PPM1L: variants seen among roughly 807,000 people sequenced by gnomAD.
PPM1L encodes the protein protein phosphatase 1L.
PPM1L carries 13 observed loss-of-function variants against 31.4 expected under a neutral mutation model. The observed-to-expected ratio is 0.41, with a 90% CI of 0.27 to 0.66. The LOEUF is 0.66. Among genes scored for constraint, PPM1L ranks in the 30% least tolerant of loss-of-function variants. The pLI is 0.29. For synonymous variants in PPM1L, 184 were observed against 175.4 expected (o/e 1.05, Z -0.39); for missense variants, 326 against 453.7 (o/e 0.72, Z 2.56).
intron 1 of PPM1L, among the ~76,000 whole-genome samples, chr3:160,773,029 A>G (rs1711499646): frequency 6.6e-6 from 1 of 152,192 alleles, no homozygotes; most frequent in Non-Finnish European, 1.5e-5. Flanking sequence ...AAGCCTTTGT[A>G]TGGACATATG....
intron 1 of PPM1L, among the ~76,000 whole-genome samples, chr3:160,891,192 T>A (rs1324494955): frequency 6.6e-6 from 1 of 152,196 alleles, no homozygotes; most frequent in Non-Finnish European, 1.5e-5. Flanking sequence ...ACAGGTAACC[T>A]TCAGAATGGG....
chr3:160,888,245 A>G (rs1040279817), intron 1 of PPM1L, among the ~76,000 whole-genome samples: 1 of 152,230 alleles, frequency 6.6e-6, no homozygotes, highest in African/African-American at 2.4e-5. Flanking sequence ...GGCAAGTTGG[A>G]TACAGAGTCA....
intron 1 of PPM1L, among the ~76,000 whole-genome samples, chr3:160,873,845 C>T (rs769788809): frequency 6.6e-6 from 1 of 152,174 alleles, no homozygotes; most frequent in Non-Finnish European, 1.5e-5. Context: ...TAATTTAATA[C>T]ACGTCACTAT....
At chr3:161,009,765 C>A (rs1365787567) in intron 2 of PPM1L, among the ~76,000 whole-genome samples, 1 of 151,992 alleles carries the variant, frequency 6.6e-6, no homozygotes, top group Non-Finnish European at 1.5e-5. Flanking sequence ...GTGATAAAAG[C>A]AAAGCTCAGG....
chr3:161,044,188 TA>T (rs992251527), intron 2 of PPM1L, among the ~76,000 whole-genome samples: 24 of 151,956 alleles, frequency 1.6e-4, no homozygotes, highest in African/African-American at 5.8e-4. Context: ...TACAGGCATG[TA>T]CCAACACGCC....
intron 2 of PPM1L, among the ~76,000 whole-genome samples, chr3:161,042,016 C>T (rs888416727): frequency 6.6e-5 from 10 of 152,152 alleles, no homozygotes; most frequent in African/African-American, 2.4e-4. Flanking sequence ...AACTCCCCAC[C>T]ACCACACATA....
intron 1 of PPM1L, among the ~76,000 whole-genome samples, chr3:160,909,232 G>A (rs2108060925): frequency 6.6e-6 from 1 of 152,300 alleles, no homozygotes; most frequent in African/African-American, 2.4e-5. Context: ...GAATGAGGAG[G>A]AATTTGCATG....
intron 2 of PPM1L, among the ~76,000 whole-genome samples, chr3:161,007,841 A>G (rs1405429838): frequency 6.6e-6 from 1 of 152,084 alleles, no homozygotes; most frequent in Admixed American, 6.6e-5. Context: ...CTTATGATTT[A>G]GATGGTTTCT....
In PPM1L at chr3:160,850,801, C is replaced by T. The variant is rs148698243; in HGVS notation, c.399+94094C>T. Among the ~76,000 whole-genome samples, 10 of 151,934 alleles carry T rather than the reference C, an allele frequency of 6.6e-5. No individual in the cohort carries two copies. The East Asian group carries it at 1.9e-3, about 30-fold the overall frequency. ...TTAGCCAGCTCTCAATCTGCAGCTC[C>T]ATGTCATGACTCTACCATTGATTCC... On this transcript the variant is annotated intron_variant, in intron 1 of 3. Transcript: ENST00000498165.
intron 1 of PPM1L, among the ~76,000 whole-genome samples, chr3:160,801,108 G>A (rs995061413): frequency 6.8e-6 from 1 of 146,512 alleles, no homozygotes; most frequent in South Asian, 2.2e-4. Flanking sequence ...GAATGGTAAG[G>A]TTTACTAAAT....
intron 1 of PPM1L, among the ~76,000 whole-genome samples, chr3:160,933,978 A>G (rs902301950): frequency 6.6e-6 from 1 of 152,224 alleles, no homozygotes. Flanking sequence ...CATTAATCCT[A>G]TTTCTACAGG....
At chr3:160,840,218 G>A (rs1337688668) in intron 1 of PPM1L, among the ~76,000 whole-genome samples, 1 of 152,142 alleles carries the variant, frequency 6.6e-6, no homozygotes, top group Non-Finnish European at 1.5e-5. Flanking sequence ...TATTTACCAA[G>A]TGCAGCCTTA....
intron 2 of PPM1L, among the ~76,000 whole-genome samples, chr3:160,963,585 TC>T (rs1377651004): frequency 1.3e-5 from 2 of 152,050 alleles, no homozygotes; most frequent in African/African-American, 2.4e-5. Context: ...GCTGAAATTT[TC>T]CATGAAATTC....
At chr3:160,813,451 T>C (rs1235638529) in intron 1 of PPM1L, among the ~76,000 whole-genome samples, 1 of 152,212 alleles carries the variant, frequency 6.6e-6, no homozygotes, top group Admixed American at 6.5e-5. Flanking sequence ...GTGATTCTTG[T>C]TCCTCAGCCT....
At chr3:160,944,823 A>ATATAACATATATATATGT (rs1559896985) in intron 1 of PPM1L, among the ~76,000 whole-genome samples, 29 of 16,700 alleles carry the variant, frequency 1.7e-3, no homozygotes, top group African/African-American at 4.8e-3. Context: ...TATATATGTT[A>ATATAACATATATATATGT]TATATAACAT....
intron 2 of PPM1L, among the ~76,000 whole-genome samples, chr3:161,038,644 A>G (rs1234474872): frequency 1.4e-5 from 2 of 146,322 alleles, no homozygotes; most frequent in South Asian, 2.1e-4. Flanking sequence ...CATCTTTTTC[A>G]TTCTTTATTG....
intron 2 of PPM1L, among the ~76,000 whole-genome samples, chr3:160,972,899 G>C (rs1275360874): frequency 3.3e-5 from 5 of 152,112 alleles, no homozygotes; most frequent in African/African-American, 1.2e-4. Context: ...ATTGTAACTG[G>C]TGTGAGATGG....
intron 2 of PPM1L, among the ~76,000 whole-genome samples, chr3:161,014,934 A>G (rs1718032619): frequency 6.6e-6 from 1 of 152,178 alleles, no homozygotes; most frequent in Non-Finnish European, 1.5e-5. Flanking sequence ...ATTATGCCTG[A>G]GTTTCCTTGG....
intron 1 of PPM1L, among the ~76,000 whole-genome samples, chr3:160,818,166 C>A (rs948522955): frequency 6.6e-6 from 1 of 152,004 alleles, no homozygotes; most frequent in African/African-American, 2.4e-5. Flanking sequence ...GAGCTAAGCA[C>A]AATGGCTTTG....
Sources: allele counts gnomAD v4.1 joint callset (sites outside exome capture counted in the v4.1 genomes callset), GRCh38; gene constraint gnomAD v4.1.1; transcripts MANE v1.5; gene names NCBI Gene and HGNC (gene_info 2026-07-23, HGNC 2026-07-21).